The following PDE1C variants were observed in gnomAD, a reference collection of about 807,000 sequenced individuals.
The protein encoded by PDE1C is dual specificity calcium/calmodulin-dependent 3',5'-cyclic nucleotide phosphodiesterase 1C.
PDE1C carries 62 observed loss-of-function variants against 93.1 expected under a neutral mutation model. The observed-to-expected ratio is 0.67, with a 90% CI of 0.54 to 0.82. The LOEUF is 0.82. PDE1C is among the 40% of genes least tolerant of loss of function. The pLI is 0.00. For synonymous variants in PDE1C, 325 were observed against 310.1 expected (o/e 1.05, Z -0.50); for missense variants, 742 against 884.6 (o/e 0.84, Z 2.04).
intron 1 of PDE1C, among the ~76,000 whole-genome samples, chr7:32,296,557 G>C (rs1812615118): frequency 6.6e-6 from 1 of 152,156 alleles, no homozygotes; most frequent in African/African-American, 2.4e-5. Flanking sequence ...ATCTCACTTG[G>C]AAGCGACCAG....
intron 9 of PDE1C, among the ~76,000 whole-genome samples, chr7:31,846,108 G>A (rs748312726): frequency 6.6e-6 from 1 of 152,068 alleles, no homozygotes; most frequent in African/African-American, 2.4e-5. Context: ...TTTAGATCGT[G>A]TATAATCCTG....
chr7:31,950,089 T>G (rs1304488660), intron 2 of PDE1C, among the ~76,000 whole-genome samples: 1 of 152,250 alleles, frequency 6.6e-6, no homozygotes, highest in Non-Finnish European at 1.5e-5. Context: ...ACAGTGTTTT[T>G]GGCCATTTCT....
chr7:31,763,337 G>A (rs192048701), intron 17 of PDE1C, among the ~76,000 whole-genome samples: 7 of 152,234 alleles, frequency 4.6e-5, no homozygotes, highest in African/African-American at 1.7e-4. Context: ...TAGATGTAGT[G>A]TTGTCTAAGG....
chr7:32,401,905 A>C (rs939755147), intron 1 of PDE1C, among the ~76,000 whole-genome samples: 2 of 152,184 alleles, frequency 1.3e-5, no homozygotes, highest in Admixed American at 1.3e-4. Context: ...GGCTTGTATC[A>C]ATTTGGTAGC....
At chr7:32,311,044 G>A (rs1393272461) in intron 1 of PDE1C, among the ~76,000 whole-genome samples, 3 of 152,082 alleles carry the variant, frequency 2.0e-5, no homozygotes, top group South Asian at 4.1e-4. Context: ...GAATCAAATA[G>A]ACGCAATAAA....
intron 3 of PDE1C, among the ~76,000 whole-genome samples, chr7:32,140,224 G>T (rs1014540635): frequency 8.5e-5 from 13 of 152,162 alleles, no homozygotes; most frequent in African/African-American, 2.7e-4. Flanking sequence ...TTTTGCAGGT[G>T]AGAAATCTGA....
At chr7:31,787,359 A>G (rs1056815139) in intron 16 of PDE1C, 2 of 152,200 alleles carry the variant, frequency 1.3e-5, no homozygotes, top group Admixed American at 6.6e-5. Flanking sequence ...TTTGAATTTA[A>G]TGGGTTAGAA....
At chr7:32,370,447 CAAA>C (rs34494376) in intron 1 of PDE1C, among the ~76,000 whole-genome samples, 69 of 120,190 alleles carry the variant, frequency 5.7e-4, no homozygotes, top group Admixed American at 5.9e-4. Flanking sequence ...AGACTCCTCT[CAAA>C]AAAAAAAAAA....
At chr7:32,168,916 T>C (rs1802472600) in intron 3 of PDE1C, among the ~76,000 whole-genome samples, 1 of 152,182 alleles carries the variant, frequency 6.6e-6, no homozygotes, top group Admixed American at 6.6e-5. Context: ...GTCTGAATTG[T>C]TTATGGGGAG....
At chr7:31,776,885 A>C (rs1165185850) in intron 16 of PDE1C, among the ~76,000 whole-genome samples, 4 of 151,098 alleles carry the variant, frequency 2.6e-5, no homozygotes, top group Non-Finnish European at 5.9e-5. Flanking sequence ...CTTTTAGTTA[A>C]GTCCACTTTA....
chr7:32,082,173 T>G (rs1452695305), intron 3 of PDE1C, among the ~76,000 whole-genome samples: 1 of 152,260 alleles, frequency 6.6e-6, no homozygotes, highest in African/African-American at 2.4e-5. Context: ...AATGCGCTTT[T>G]CCGACGGGCT....
At chr7:32,358,897 C>G (rs7457962) in intron 1 of PDE1C, among the ~76,000 whole-genome samples, 122 of 145,364 alleles carry the variant, frequency 8.4e-4, no homozygotes, top group East Asian at 8.2e-3. Context: ...GTGTGTGTGT[C>G]TGTGTGTGTG....
intron 2 of PDE1C, among the ~76,000 whole-genome samples, chr7:32,034,054 C>CTGTGCGTGTGTGTG (rs140656824): frequency 6.7e-5 from 10 of 148,396 alleles, no homozygotes; most frequent in African/African-American, 2.3e-4. Flanking sequence ...AGATGAGAGA[C>CTGTGCGTGTGTGTG]TGTGTGTGTG....
chr7:32,165,519 G>A (rs1051954649), intron 3 of PDE1C, among the ~76,000 whole-genome samples: 4 of 152,148 alleles, frequency 2.6e-5, no homozygotes, highest in Non-Finnish European at 4.4e-5. Flanking sequence ...CATGGCAGAA[G>A]GTGAAGAGGA....
chr7:31,707,401 A>G, the PDE1C span: 16 of 801,508 alleles, frequency 2.0e-5, no homozygotes, highest in East Asian at 4.4e-4. Flanking sequence ...GAAGATTCAG[A>G]CACCTTCTCC....
intron 2 of PDE1C, among the ~76,000 whole-genome samples, chr7:32,171,202 C>A (rs533471051): frequency 6.6e-6 from 1 of 152,234 alleles, no homozygotes; most frequent in South Asian, 2.1e-4. Context: ...CCTTACCATA[C>A]CTAAACAGTA....
intron 1 of PDE1C, among the ~76,000 whole-genome samples, chr7:32,382,989 A>G (rs1217695400): frequency 6.6e-6 from 1 of 152,228 alleles, no homozygotes; most frequent in Admixed American, 6.5e-5. Context: ...ATTCAAATAC[A>G]TACACACACA....
intron 3 of PDE1C, among the ~76,000 whole-genome samples, chr7:32,138,521 C>G (rs1391464815): frequency 1.3e-5 from 2 of 152,082 alleles, no homozygotes; most frequent in East Asian, 1.9e-4. Context: ...CTTGCCCCAT[C>G]ATCTGGCCGT....
intron 16 of PDE1C, among the ~76,000 whole-genome samples, chr7:31,795,110 A>C (rs1785119321): frequency 6.6e-6 from 1 of 151,954 alleles, no homozygotes; most frequent in South Asian, 2.1e-4. Context: ...AAATGCAAAG[A>C]GGGGAAGCTT....
Sources: allele counts gnomAD v4.1 joint callset (sites outside exome capture counted in the v4.1 genomes callset), GRCh38; gene constraint gnomAD v4.1.1; transcripts MANE v1.5; gene names NCBI Gene and HGNC (gene_info 2026-07-23, HGNC 2026-07-21).